The following ADD2 variants were observed in gnomAD, a reference collection of about 807,000 sequenced individuals.
ADD2 encodes beta-adducin.
Under a neutral mutation model 83.0 loss-of-function variants are expected in ADD2, and 23 were observed. The ratio of observed to expected loss-of-function variants is 0.28; its 90% CI spans 0.20 to 0.39. The LOEUF is 0.39. Ranked by LOEUF, ADD2 falls within the 10% of genes least tolerant of loss-of-function variation. The pLI, the probability that ADD2 is intolerant of heterozygous loss-of-function variation, is 1.00. For synonymous variants in ADD2, 375 were observed against 375.4 expected (o/e 1.00, Z 0.01); for missense variants, 758 against 944.9 (o/e 0.80, Z 2.59).
chr2:70,691,956 T>G, intron 7 of ADD2: 1 of 153,364 alleles, frequency 6.5e-6, no homozygotes, highest in East Asian at 1.9e-4. Context: ...AACCTGCTCA[T>G]TGAGTCTCTT....
chr2:70,714,057 T>G (rs563759704), intron 1 of ADD2, among the ~76,000 whole-genome samples: 1 of 152,054 alleles, frequency 6.6e-6, no homozygotes, highest in Non-Finnish European at 1.5e-5. Flanking sequence ...CCTAAAGTAC[T>G]ACTGAAGGAG....
intron 15 of ADD2, among the ~76,000 whole-genome samples, chr2:70,667,182 G>A (rs1675839865): frequency 6.6e-6 from 1 of 152,050 alleles, no homozygotes; most frequent in Admixed American, 6.5e-5. Flanking sequence ...TGGGAACCTG[G>A]AGCTCTGGGA....
rs1257327035 is a variant in ADD2, at chr2:70,740,905, G to T, written c.-154+26981C>A. ...AGTAGAGACGGGGTTTCACCATGTT[G>T]GCCAGGCTGGTCTCAAACTCCTGGC... On this transcript the variant is annotated intron_variant, in intron 1 of 15. Transcript: ENST00000264436. 2.0e-5 allele frequency among the ~76,000 whole-genome samples: 3 copies of T among 152,166 alleles called. No individual in the cohort carries two copies. In the East Asian group the frequency reaches 5.8e-4, roughly 29 times the overall value.
chr2:70,750,220 C>T lies in ADD2; in HGVS notation c.-154+17666G>A, dbSNP rs528808011. On this transcript the variant is annotated intron_variant, in intron 1 of 15. Coordinates refer to ENST00000264436, the MANE Select transcript of ADD2 (RefSeq NM_001617.4). ...CTCCAAGTGTGCACGTGCTCATGCT[C>T]GCTCTTTCTTTTTCTTTCTCTCAAC... Among the ~76,000 whole-genome samples the T allele has an allele frequency of 8.5e-5, 13 of 152,284 alleles. 1 individual carries two copies. Among genetic ancestry groups the T allele is most frequent in the African/African-American group, 2.2e-4 (9 of 41,564 alleles).
chr2:70,698,481 G>A (rs1332354326), intron 4 of ADD2, among the ~76,000 whole-genome samples: 4 of 152,182 alleles, frequency 2.6e-5, no homozygotes, highest in African/African-American at 7.2e-5. Flanking sequence ...CAGACAGACC[G>A]AATAAGTTCT....
intron 1 of ADD2, among the ~76,000 whole-genome samples, chr2:70,742,047 A>G (rs1673946127): frequency 6.6e-6 from 1 of 152,260 alleles, no homozygotes; most frequent in Admixed American, 6.5e-5. Flanking sequence ...CAGGGATTCT[A>G]CAAGCATTTG....
chr2:70,730,290 A>G (rs889087191), intron 1 of ADD2, among the ~76,000 whole-genome samples: 2 of 152,232 alleles, frequency 1.3e-5, no homozygotes, highest in Non-Finnish European at 2.9e-5. Context: ...ACATGTGAGC[A>G]TGATACCACA....
intron 6 of ADD2, among the ~76,000 whole-genome samples, chr2:70,692,852 G>A (rs1403300080): frequency 6.6e-6 from 1 of 152,210 alleles, no homozygotes; most frequent in African/African-American, 2.4e-5. Flanking sequence ...TTCAGAGGCT[G>A]AGGGGGCCCT....
chr2:70,700,983 A>G (rs1553373427), intron 4 of ADD2, among the ~76,000 whole-genome samples: 1 of 152,068 alleles, frequency 6.6e-6, no homozygotes, highest in Non-Finnish European at 1.5e-5. Flanking sequence ...ATAAATCTCA[A>G]GGAACAGAGA....
intron 15 of ADD2, among the ~76,000 whole-genome samples, chr2:70,664,538 C>T (rs1357289083): frequency 6.6e-6 from 1 of 152,226 alleles, no homozygotes; most frequent in Non-Finnish European, 1.5e-5. Flanking sequence ...AAACCACAGA[C>T]TGAAAAGTAG....
At chr2:70,673,965 A>C (rs1320466026) in intron 14 of ADD2, among the ~76,000 whole-genome samples, 4 of 152,192 alleles carry the variant, frequency 2.6e-5, no homozygotes, top group Non-Finnish European at 5.9e-5. Flanking sequence ...TGGTGGAAGA[A>C]GACCCTGCCT....
chr2:70,744,515 C>T (rs1327855531), intron 1 of ADD2, among the ~76,000 whole-genome samples: 4 of 152,126 alleles, frequency 2.6e-5, no homozygotes, highest in Non-Finnish European at 5.9e-5. Flanking sequence ...CATGAAAGGG[C>T]ATTCCTAGTG....
At chr2:70,766,429 C>A (rs1675385111) in intron 1 of ADD2, among the ~76,000 whole-genome samples, 2 of 152,106 alleles carry the variant, frequency 1.3e-5, no homozygotes, top group Admixed American at 6.5e-5. Context: ...ATGGTCTAAA[C>A]CCCCCTTTTA....
intron 1 of ADD2, among the ~76,000 whole-genome samples, chr2:70,718,765 G>A (rs563286123): frequency 7.9e-5 from 12 of 152,298 alleles, no homozygotes; most frequent in African/African-American, 2.9e-4. Flanking sequence ...CTGGTGAAAG[G>A]CAGAACCTGG....
intron 1 of ADD2, among the ~76,000 whole-genome samples, chr2:70,731,773 A>G (rs1673295982): frequency 6.6e-6 from 1 of 152,198 alleles, no homozygotes; most frequent in Non-Finnish European, 1.5e-5. Context: ...TGGACTGCTG[A>G]GTTCTGCTGT....
At chr2:70,720,948 C>T (rs1553377231) in intron 1 of ADD2, among the ~76,000 whole-genome samples, 1 of 152,196 alleles carries the variant, frequency 6.6e-6, no homozygotes, top group East Asian at 1.9e-4. Context: ...AACTCCCAGG[C>T]TCTAGGAAAT....
chr2:70,672,724 A>G (rs1237815164), intron 15 of ADD2, among the ~76,000 whole-genome samples, 154 bp downstream of exon 15: 2 of 152,238 alleles, frequency 1.3e-5, no homozygotes, highest in Non-Finnish European at 2.9e-5. Flanking sequence ...GAGTGAAACA[A>G]CATGAAACTT....
At position 70,706,144 on chromosome 2, in the gene ADD2, G is replaced by C; in HGVS notation, c.183+82C>G. Reference sequence around the variant, plus strand: ...CTGACCCTGAGCAAGGGAAAGAGGAGTTACTCATCTTTCGGGTGGGTACAC... The same window carrying C: ...CTGACCCTGAGCAAGGGAAAGAGGACTTACTCATCTTTCGGGTGGGTACAC... On this transcript the variant is annotated intron_variant, in intron 3 of 15. Coordinates refer to ENST00000264436, the MANE Select transcript of ADD2 (RefSeq NM_001617.4). The surrounding 1 kb of genome is among the most constrained non-coding windows in gnomAD (Gnocchi z 5.0). 7.0e-7 allele frequency: 1 copy of C among 1,431,510 alleles called. No homozygotes were observed. The highest frequency in any genetic ancestry group is 9.6e-7 in the Non-Finnish European group (1 of 1,037,086). 88.7% of individuals were successfully genotyped at this position (1,431,510 alleles called of 1,614,324 possible). A position where few individuals can be genotyped will look rare whatever the true frequency, so the allele number is the denominator to read the frequency against.
Position 70,658,120 on chromosome 2 carries a change from T to G in ADD2, c.*5305A>C, listed in dbSNP as rs533134637. On this transcript the variant is annotated 3_prime_UTR_variant, in exon 16 of 16. Coordinates refer to ENST00000264436, the MANE Select transcript of ADD2 (RefSeq NM_001617.4). Reference sequence around the variant, plus strand: ...CATAAGAACACTCCCAGCTGGAGATTCTTCCTAATTGTTCCTAAGATGAAA... The same window carrying G: ...CATAAGAACACTCCCAGCTGGAGATGCTTCCTAATTGTTCCTAAGATGAAA... 6.6e-6 allele frequency: 1 copy of G among 152,334 alleles called. No homozygotes were observed. Among genetic ancestry groups the G allele is most frequent in the African/African-American group, 2.4e-5 (1 of 41,574 alleles). The allele number at this position is 152,334 out of a possible 1,614,324, so 9.4% of individuals were successfully genotyped here. A position where few individuals can be genotyped will look rare whatever the true frequency, so the allele number is the denominator to read the frequency against.
Sources: allele counts gnomAD v4.1 joint callset (sites outside exome capture counted in the v4.1 genomes callset), GRCh38; gene constraint gnomAD v4.1.1; non-coding constraint Gnocchi (gnomAD v3.1); transcripts MANE v1.5; gene names NCBI Gene and HGNC (gene_info 2026-07-23, HGNC 2026-07-21).